The following APBB2 variants were observed in gnomAD, a reference collection of about 807,000 sequenced individuals.
APBB2 encodes amyloid beta precursor protein binding family B member 2, also known as Fe65-like 1.
Under a neutral mutation model 82.5 loss-of-function variants are expected in APBB2, and 38 were observed. The observed-to-expected ratio is 0.46, with a 90% CI of 0.36 to 0.60. APBB2 has a LOEUF of 0.60. APBB2 is among the 20% of genes least tolerant of loss of function. APBB2 has a pLI of 0.00. For missense variants in APBB2, 772 were observed against 972.3 expected (o/e 0.79, Z 2.74); for synonymous variants, 341 against 368.2 (o/e 0.93, Z 0.85).
chr4:40,875,434 A>G (rs778863723), intron 12 of APBB2, among the ~76,000 whole-genome samples: 2 of 152,218 alleles, frequency 1.3e-5, no homozygotes, highest in Admixed American at 1.3e-4. Flanking sequence ...GTAATTTACA[A>G]TTTTCTAGTA....
chr4:40,822,227 T>C (rs1748238536), intron 16 of APBB2, 177 bp from the exon 17 acceptor site: 1 of 650,268 alleles, frequency 1.5e-6, no homozygotes, highest in Non-Finnish European at 2.6e-6. Context: ...ACTGCATGGC[T>C]ACCCTGTTCT....
At chr4:41,049,056 C>G (rs1033855383) in intron 4 of APBB2, among the ~76,000 whole-genome samples, 1 of 151,964 alleles carries the variant, frequency 6.6e-6, no homozygotes, top group Non-Finnish European at 1.5e-5. Context: ...CCCAAAGTGC[C>G]GAGATTGCAG....
chr4:40,966,813 G>A (rs2154396346), intron 6 of APBB2, among the ~76,000 whole-genome samples: 1 of 152,290 alleles, frequency 6.6e-6, no homozygotes, highest in Non-Finnish European at 1.5e-5. Context: ...AACAGCCTGG[G>A]CACCATGGGC....
At chr4:41,139,741 A>T (rs938682675) in intron 2 of APBB2, among the ~76,000 whole-genome samples, 2 of 152,206 alleles carry the variant, frequency 1.3e-5, no homozygotes, top group African/African-American at 4.8e-5. Flanking sequence ...AAAGATAAGT[A>T]GTGGCCAGGG....
chr4:41,121,819 CT>C, intron 2 of APBB2, among the ~76,000 whole-genome samples: 1 of 152,060 alleles, frequency 6.6e-6, no homozygotes, highest in Non-Finnish European at 1.5e-5. Context: ...GCAGCCACGT[CT>C]TTGTGGCTCC....
intron 1 of APBB2, among the ~76,000 whole-genome samples, chr4:41,149,375 T>G (rs113895687): frequency 6.6e-5 from 10 of 151,236 alleles, no homozygotes; most frequent in African/African-American, 2.4e-4. Flanking sequence ...TTAAAAAAAA[T>G]TTTTATTTAA....
chr4:40,930,743 T>TTTTA (rs773161852), intron 10 of APBB2, among the ~76,000 whole-genome samples: 3 of 152,160 alleles, frequency 2.0e-5, no homozygotes, highest in African/African-American at 7.2e-5. Flanking sequence ...CAAATATTAT[T>TTTTA]TTTATTTATT....
intron 6 of APBB2, among the ~76,000 whole-genome samples, chr4:40,989,531 A>AT (rs33982618): frequency 2.1e-4 from 32 of 151,290 alleles, no homozygotes; most frequent in East Asian, 5.9e-4. Flanking sequence ...GAGAAACTAC[A>AT]TTTTTTTTTT....
intron 7 of APBB2, among the ~76,000 whole-genome samples, chr4:40,937,968 A>AG (rs1785801807): frequency 6.6e-6 from 1 of 152,240 alleles, no homozygotes; most frequent in African/African-American, 2.4e-5. Flanking sequence ...CCACCCCCGT[A>AG]GGGGTGGGAG....
At position 40,819,465 on chromosome 4, in the gene APBB2, C is replaced by T. The variant is rs138729906; in HGVS notation, c.2112+2406G>A. 3.3e-3 allele frequency among the ~76,000 whole-genome samples: 503 copies of T among 152,156 alleles called. 3 individuals are homozygous for T. Among genetic ancestry groups the T allele is most frequent in the African/African-American group, 0.011 (459 of 41,502 alleles). On this transcript the variant is annotated intron_variant, in intron 17 of 17. Coordinates refer to ENST00000508593, the MANE Select transcript of APBB2 (RefSeq NM_004307.2). ...CCTCCCAAAGTATTGGGATTACAGGCGTGAGCTACTGTGCCCAGCCTCCTC... is the reference window on the plus strand; with the variant it reads ...CCTCCCAAAGTATTGGGATTACAGGTGTGAGCTACTGTGCCCAGCCTCCTC...
Position 40,934,717 on chromosome 4 carries a change from CTTG to C in APBB2, c.1108-21_1108-19del. The C allele has an allele frequency of 6.4e-7, 1 of 1,573,002 alleles. No individual in the cohort carries two copies. Among genetic ancestry groups the C allele is most frequent in the Non-Finnish European group, 8.7e-7 (1 of 1,143,428 alleles). On this transcript the variant is annotated intron_variant, in intron 8 of 17. Transcript: ENST00000508593. The stretch of plus-strand genomic sequence containing the variant: ...TGCAAATCCTAGAGGAAAATAGAAC[CTTG>C]TTAATGTACAATGGGGGAGAAGACC...
At chr4:40,854,049 T>C (rs873871) in intron 12 of APBB2, among the ~76,000 whole-genome samples, 59,300 of 152,036 alleles carry the variant, frequency 0.39, 12,354 homozygotes, top group Non-Finnish European at 0.47. Context: ...GCTCCTTATC[T>C]GCCGAACAGC....
In APBB2 at chr4:40,810,323, A is replaced by AGT. The variant is rs1744163645; in HGVS notation, c.*5767_*5768dup. 1 of 152,120 alleles carries AGT rather than the reference A, an allele frequency of 6.6e-6. No homozygotes were observed. The highest frequency in any genetic ancestry group is 1.5e-5 in the Non-Finnish European group (1 of 68,024). 9.4% of individuals were successfully genotyped at this position (152,120 alleles called of 1,614,324 possible). ...AGTGGCTCACATCTGTAATCTCAGC[A>AGT]GTTTGGGAGGCTGAGGTGGGCACGC... is the stretch of plus-strand genomic sequence containing the variant. On this transcript the variant is annotated 3_prime_UTR_variant, in exon 18 of 18. Transcript: ENST00000508593.
At chr4:41,201,892 A>G (rs1285547490) in intron 1 of APBB2, among the ~76,000 whole-genome samples, 1 of 152,160 alleles carries the variant, frequency 6.6e-6, no homozygotes, top group Non-Finnish European at 1.5e-5. Context: ...ATCATACCCA[A>G]TTCACAATTT....
chr4:40,882,274 T>C (rs571046834), intron 12 of APBB2, among the ~76,000 whole-genome samples: 2 of 151,494 alleles, frequency 1.3e-5, no homozygotes, highest in Admixed American at 1.3e-4. Context: ...AGGAGAGAGG[T>C]TGCAATAATT....
chr4:40,951,122 G>GGGGAGAGACAGTGAAGC (rs1790019849), intron 6 of APBB2, among the ~76,000 whole-genome samples: 1 of 152,032 alleles, frequency 6.6e-6, no homozygotes, highest in Non-Finnish European at 1.5e-5. Flanking sequence ...TACCTGGAGT[G>GGGGAGAGACAGTGAAGC]GGGGAGAGAC....
intron 1 of APBB2, among the ~76,000 whole-genome samples, chr4:41,148,267 A>G (rs1761333321): frequency 6.6e-6 from 1 of 152,172 alleles, no homozygotes; most frequent in African/African-American, 2.4e-5. Flanking sequence ...TAGGTTCACT[A>G]ATGTTTTTAA....
chr4:40,886,963 C>G (rs1420472621), intron 12 of APBB2, among the ~76,000 whole-genome samples: 1 of 152,214 alleles, frequency 6.6e-6, no homozygotes, highest in African/African-American at 2.4e-5. Flanking sequence ...CCTCACTTTG[C>G]CAGGCAATAA....
intron 6 of APBB2, among the ~76,000 whole-genome samples, chr4:40,947,116 C>A (rs1788670220): frequency 6.6e-6 from 1 of 152,192 alleles, no homozygotes; most frequent in Non-Finnish European, 1.5e-5. Context: ...TTTGTCCTGT[C>A]TCCTTTTCAG....
Sources: gnomAD v4.1 joint callset for allele counts (sites outside exome capture counted in the v4.1 genomes callset) on GRCh38, gnomAD v4.1.1 for gene constraint, MANE v1.5 for transcripts, NCBI Gene and HGNC (gene_info 2026-07-23, HGNC 2026-07-21) for gene names.